Variants in SHISA9 observed in about 807,000 individuals in gnomAD.
SHISA9 encodes protein shisa-9.
Under a neutral mutation model 38.0 loss-of-function variants are expected in SHISA9, and 13 were observed. That is an observed-to-expected ratio of 0.34 (90% CI 0.22 to 0.54). The LOEUF is 0.54. SHISA9 is among the 20% of genes least tolerant of loss of function. SHISA9 has a pLI of 0.91. For synonymous variants in SHISA9, 275 were observed against 242.0 expected, an observed-to-expected ratio of 1.14 and a Z score of -1.27; for missense variants, 538 against 575.8, an observed-to-expected ratio of 0.93 and a Z score of 0.67.
At chr16:13,441,385 C>G in the SHISA9 span, among the ~76,000 whole-genome samples, 1 of 152,186 alleles carries the variant, frequency 6.6e-6, no homozygotes, top group South Asian at 2.1e-4. Context: ...TTAACTTAAG[C>G]ATACCTGAGA....
the SHISA9 span, among the ~76,000 whole-genome samples, chr16:13,504,943 C>G: frequency 9.6e-4 from 146 of 152,286 alleles, no homozygotes; most frequent in African/African-American, 3.3e-3. Flanking sequence ...ACTGCCCTAT[C>G]TTTGTAGATA....
At chr16:13,054,322 G>A (rs1046177609) in intron 2 of SHISA9, among the ~76,000 whole-genome samples, 11 of 152,118 alleles carry the variant, frequency 7.2e-5, no homozygotes, top group Admixed American at 2.0e-4. Context: ...TGGCTCCCAC[G>A]GTCTGCTTGG....
intron 2 of SHISA9, among the ~76,000 whole-genome samples, chr16:13,011,826 C>G (rs115139912): frequency 0.031 from 4,581 of 147,036 alleles, 216 homozygotes; most frequent in African/African-American, 0.11. Flanking sequence ...TGGCCTTTGA[C>G]TTTTTTTTTT....
chr16:13,355,088 T>G, the SHISA9 span, among the ~76,000 whole-genome samples: 1 of 149,278 alleles, frequency 6.7e-6, no homozygotes, highest in African/African-American at 2.5e-5. Flanking sequence ...GAGGCAGGTA[T>G]TGATGATAGG....
the SHISA9 span, among the ~76,000 whole-genome samples, chr16:13,520,601 C>G: frequency 1.4e-5 from 1 of 73,982 alleles, no homozygotes; most frequent in Non-Finnish European, 2.4e-5. Flanking sequence ...GAAACTCTGT[C>G]TCAAAAAAAA....
At chr16:13,100,343 A>G (rs1409136422) in intron 2 of SHISA9, among the ~76,000 whole-genome samples, 1 of 152,006 alleles carries the variant, frequency 6.6e-6, no homozygotes, top group Non-Finnish European at 1.5e-5. Flanking sequence ...GTCAATTGGG[A>G]CCTGGCATTA....
intron 2 of SHISA9, among the ~76,000 whole-genome samples, chr16:13,046,359 C>T (rs1301535209): frequency 2.0e-5 from 3 of 152,130 alleles, no homozygotes; most frequent in Non-Finnish European, 2.9e-5. Context: ...TTCAGGCACT[C>T]GGAAAGCTGA....
At chr16:13,192,262 C>T (rs532434217) in intron 2 of SHISA9, among the ~76,000 whole-genome samples, 2 of 152,168 alleles carry the variant, frequency 1.3e-5, no homozygotes, top group Non-Finnish European at 2.9e-5. Flanking sequence ...TTGAAGATTA[C>T]CTTTCAGGTA....
chr16:13,445,425 A>T, the SHISA9 span, among the ~76,000 whole-genome samples: 887 of 152,266 alleles, frequency 5.8e-3, 9 homozygotes, highest in African/African-American at 0.021. Context: ...CAATTCCTAT[A>T]ATAGTCTTTG....
rs554130900 is a variant in SHISA9 at position 13,138,686 on chromosome 16, G to A, written c.692-64708G>A. On this transcript the variant is annotated intron_variant, in intron 2 of 4. Transcript: ENST00000558583. ...GTCTCACAAGGGGAGTCTTTGAGCC[G>A]TTTAGGAGGACTAGAGTGTTCCACA... is the stretch of plus-strand genomic sequence containing the variant. Among the ~76,000 whole-genome samples the A allele has an allele frequency of 8.5e-5, 13 of 152,302 alleles. No homozygotes were observed. The South Asian group carries it at 2.1e-3, about 24-fold the overall frequency.
At chr16:12,908,345 A>G (rs1179401375) in intron 1 of SHISA9, 6 of 1,400,068 alleles carry the variant, frequency 4.3e-6, no homozygotes, top group East Asian at 2.6e-5. Context: ...GGGAGGGTCT[A>G]TATGTGACTA....
intron 2 of SHISA9, among the ~76,000 whole-genome samples, chr16:13,095,832 G>C (rs1247447599): frequency 6.6e-6 from 1 of 152,226 alleles, no homozygotes. Context: ...TCTCAAACTT[G>C]AGCGAGCATG....
At chr16:13,452,759 A>G in the SHISA9 span, among the ~76,000 whole-genome samples, 2 of 151,572 alleles carry the variant, frequency 1.3e-5, no homozygotes, top group East Asian at 3.9e-4. Flanking sequence ...CTTTGTACTT[A>G]CTCCACTGAG....
intron 2 of SHISA9, among the ~76,000 whole-genome samples, chr16:13,155,134 A>G (rs2050532964): frequency 6.6e-6 from 1 of 152,242 alleles, no homozygotes. Flanking sequence ...CTGAGTTGCA[A>G]TGCAATGAAA....
At chr16:13,504,938 C>T in the SHISA9 span, among the ~76,000 whole-genome samples, 1 of 152,192 alleles carries the variant, frequency 6.6e-6, no homozygotes, top group Non-Finnish European at 1.5e-5. Context: ...ATCCCACTGC[C>T]CTATCTTTGT....
At chr16:13,481,002 T>G in the SHISA9 span, among the ~76,000 whole-genome samples, 1 of 152,170 alleles carries the variant, frequency 6.6e-6, no homozygotes, top group Non-Finnish European at 1.5e-5. Context: ...CTATAAGCAA[T>G]TAGGAACCAC....
intron 2 of SHISA9, among the ~76,000 whole-genome samples, chr16:13,134,592 A>G (rs2050332447): frequency 6.6e-6 from 1 of 152,106 alleles, no homozygotes; most frequent in South Asian, 2.1e-4. Flanking sequence ...TGGCCGGAGC[A>G]AAGGTGAGGT....
intron 2 of SHISA9, among the ~76,000 whole-genome samples, chr16:13,087,136 C>A (rs1029037779): frequency 4.2e-4 from 58 of 139,536 alleles, no homozygotes; most frequent in Non-Finnish European, 7.0e-4. Context: ...CCGCAAAGGA[C>A]ATGAACTCGT....
At chr16:13,502,602 C>T in the SHISA9 span, among the ~76,000 whole-genome samples, 7 of 152,054 alleles carry the variant, frequency 4.6e-5, no homozygotes, top group African/African-American at 9.7e-5. Flanking sequence ...AGGCCGGGCG[C>T]GGTGGCTCAC....
Sources: allele counts gnomAD v4.1 joint callset (sites outside exome capture counted in the v4.1 genomes callset), GRCh38; gene constraint gnomAD v4.1.1; transcripts MANE v1.5; gene names NCBI Gene and HGNC (gene_info 2026-07-23, HGNC 2026-07-21).